SOX6: variants seen among roughly 807,000 people sequenced by gnomAD.
The protein encoded by SOX6 is SRY-box transcription factor 6.
A neutral mutation model predicts 97.8 loss-of-function variants in SOX6; 11 were observed. The ratio of observed to expected loss-of-function variants is 0.11; its 90% CI spans 0.07 to 0.19. The LOEUF is 0.19. SOX6 is among the 10% of genes least tolerant of loss of function. The probability of loss-of-function intolerance (pLI) is 1.00; values close to 1 mark genes in which losing one functional copy is unlikely to be tolerated. For missense variants in SOX6, 810 were observed against 1,039.5 expected, an observed-to-expected ratio of 0.78 and a Z score of 3.04; for synonymous variants, 360 against 371.4, an observed-to-expected ratio of 0.97 and a Z score of 0.35.
intron 15 of SOX6, among the ~76,000 whole-genome samples, chr11:15,981,289 T>C (rs1161938657): frequency 2.0e-5 from 3 of 152,070 alleles, no homozygotes; most frequent in Non-Finnish European, 4.4e-5. Flanking sequence ...TGAGTTGATA[T>C]GAACAGAGAT....
intron 3 of SOX6, chr11:16,316,452 AT>A (rs1158172954): frequency 1.3e-5 from 2 of 151,774 alleles, no homozygotes; most frequent in Non-Finnish European, 2.9e-5. Flanking sequence ...GCAAAAAAAA[AT>A]CTGTAGAGTA....
At chr11:16,069,973 G>A (rs770374664) in intron 9 of SOX6, among the ~76,000 whole-genome samples, 5 of 152,044 alleles carry the variant, frequency 3.3e-5, no homozygotes, top group Admixed American at 1.3e-4. Flanking sequence ...TTGCTAACAC[G>A]TGAAACCCCG....
intron 2 of SOX6, among the ~76,000 whole-genome samples, chr11:16,716,470 T>C (rs1848220496): frequency 1.3e-5 from 2 of 152,192 alleles, no homozygotes; most frequent in Admixed American, 1.3e-4. Context: ...ATATTAGTGA[T>C]CATTTCATTT....
chr11:16,406,687 G>A (rs1242575492), intron 1 of SOX6, among the ~76,000 whole-genome samples: 2 of 152,018 alleles, frequency 1.3e-5, no homozygotes, highest in East Asian at 1.9e-4. Flanking sequence ...AATATTGGAA[G>A]GGCACTGAAA....
intron 4 of SOX6, among the ~76,000 whole-genome samples, chr11:16,498,355 T>C (rs1439472867): frequency 6.6e-6 from 1 of 152,104 alleles, no homozygotes; most frequent in Non-Finnish European, 1.5e-5. Flanking sequence ...TGCAAAAACA[T>C]GCCAAATTGT....
In SOX6 at chr11:16,377,631, T is replaced by C. The variant is rs1023785152; in HGVS notation, c.-4-36379A>G. Among the ~76,000 whole-genome samples the C allele has an allele frequency of 4.3e-4, 65 of 152,176 alleles. 1 individual carries two copies. The highest frequency in any genetic ancestry group is 3.2e-4 in the Non-Finnish European group (22 of 68,016). ...TAAAGTAATATTTATTGTTTTCTTT[T>C]CATTGTTATTATTATCTGGTTCCTG... On this transcript the variant is annotated intron_variant, in intron 1 of 15. Transcript: ENST00000396356.
chr11:16,086,477 C>T (rs1205097764), intron 9 of SOX6, among the ~76,000 whole-genome samples: 5 of 152,160 alleles, frequency 3.3e-5, no homozygotes, highest in African/African-American at 1.2e-4. Flanking sequence ...CAGCAACATC[C>T]AGATGTCAAG....
chr11:16,543,886 C>A (rs930086367), intron 4 of SOX6, among the ~76,000 whole-genome samples: 6 of 152,144 alleles, frequency 3.9e-5, no homozygotes, highest in African/African-American at 1.4e-4. Flanking sequence ...TGCTATGTAT[C>A]TTCCTAAAGA....
At chr11:16,180,295 G>A (rs942770518) in intron 6 of SOX6, among the ~76,000 whole-genome samples, 7 of 151,680 alleles carry the variant, frequency 4.6e-5, no homozygotes, top group South Asian at 2.1e-4. Flanking sequence ...AAAATGCTTC[G>A]AAATATTAGC....
At chr11:16,267,847 A>G (rs1308087324) in intron 3 of SOX6, among the ~76,000 whole-genome samples, 1 of 151,632 alleles carries the variant, frequency 6.6e-6, no homozygotes, top group African/African-American at 2.4e-5. Context: ...TATGTACACA[A>G]AAGAATACTA....
chr11:16,062,608 ACT>A (rs1420791873), intron 9 of SOX6, among the ~76,000 whole-genome samples: 2 of 151,698 alleles, frequency 1.3e-5, no homozygotes, highest in Non-Finnish European at 3.0e-5. Context: ...AAAAATTCAC[ACT>A]GATTGTTTGG....
At chr11:16,402,256 A>G (rs1858578982) in intron 1 of SOX6, among the ~76,000 whole-genome samples, 1 of 151,706 alleles carries the variant, frequency 6.6e-6, no homozygotes, top group Non-Finnish European at 1.5e-5. Flanking sequence ...TTGCAGCAAC[A>G]TCTAAACAGT....
At chr11:16,598,825 A>C (rs1310331221) in intron 4 of SOX6, among the ~76,000 whole-genome samples, 1 of 152,100 alleles carries the variant, frequency 6.6e-6, no homozygotes, top group African/African-American at 2.4e-5. Context: ...CCCTTTTTAC[A>C]TGTGAATGGA....
intron 4 of SOX6, among the ~76,000 whole-genome samples, chr11:16,218,197 T>C (rs762264984): frequency 1.3e-5 from 2 of 151,948 alleles, no homozygotes; most frequent in Non-Finnish European, 2.9e-5. Flanking sequence ...TACAGAATAG[T>C]CTTCAAATGG....
intron 7 of SOX6, among the ~76,000 whole-genome samples, chr11:16,099,493 T>G (rs1282434243): frequency 6.6e-6 from 1 of 151,796 alleles, no homozygotes; most frequent in Non-Finnish European, 1.5e-5. Context: ...GACTGCCTCC[T>G]GGAACATTTT....
intron 7 of SOX6, among the ~76,000 whole-genome samples, chr11:16,102,047 C>G (rs115057467): frequency 1.9e-3 from 294 of 151,744 alleles, no homozygotes; most frequent in African/African-American, 6.9e-3. Flanking sequence ...AGACAACAGA[C>G]AGAAAATAGG....
At chr11:16,493,572 C>A (rs544592872) in intron 4 of SOX6, among the ~76,000 whole-genome samples, 4 of 152,134 alleles carry the variant, frequency 2.6e-5, no homozygotes, top group South Asian at 2.1e-4. Context: ...GTGGTAGTTA[C>A]ACAGATATTC....
chr11:16,139,403 TTTCTC>T (rs1850067957), intron 6 of SOX6, among the ~76,000 whole-genome samples: 1 of 152,218 alleles, frequency 6.6e-6, no homozygotes, highest in Non-Finnish European at 1.5e-5. Context: ...AAGGAAGAGC[TTTCTC>T]TTCTCTTTTA....
At chr11:16,655,141 C>T (rs1156935245) in intron 3 of SOX6, among the ~76,000 whole-genome samples, 1 of 152,120 alleles carries the variant, frequency 6.6e-6, no homozygotes, top group Non-Finnish European at 1.5e-5. Context: ...TTCTTCCAGG[C>T]ACATTGACGC....
Sources: allele counts gnomAD v4.1 joint callset (sites outside exome capture counted in the v4.1 genomes callset), GRCh38; gene constraint gnomAD v4.1.1; transcripts MANE v1.5; gene names NCBI Gene and HGNC (gene_info 2026-07-23, HGNC 2026-07-21).